The following LTBP1 variants were observed in gnomAD, a reference collection of about 807,000 sequenced individuals.
LTBP1 encodes the protein latent-transforming growth factor beta-binding protein 1.
In LTBP1, 129 loss-of-function variants were observed where a neutral mutation model predicts 207.6. That is an observed-to-expected ratio of 0.62 (90% CI 0.54 to 0.72). The LOEUF (loss-of-function observed/expected upper bound fraction) is 0.72. Among genes scored for constraint, LTBP1 ranks in the 30% least tolerant of loss-of-function variants. The probability of loss-of-function intolerance (pLI) is 0.00; values close to 1 mark genes in which losing one functional copy is unlikely to be tolerated. For missense variants in LTBP1, 2,281 were observed against 2,217.2 expected (o/e 1.03, Z -0.58); for synonymous variants, 963 against 833.7 (o/e 1.16, Z -2.67).
At chr2:33,174,765 G>A (rs913309138) in intron 5 of LTBP1, among the ~76,000 whole-genome samples, 3 of 152,006 alleles carry the variant, frequency 2.0e-5, no homozygotes, top group East Asian at 3.9e-4. Flanking sequence ...TATACTACAA[G>A]GCTACAGTAA....
intron 2 of LTBP1, among the ~76,000 whole-genome samples, chr2:32,993,332 T>A (rs758016552): frequency 6.6e-6 from 1 of 152,158 alleles, no homozygotes; most frequent in Non-Finnish European, 1.5e-5. Flanking sequence ...GGAGACAGCC[T>A]GACAGATGAT....
chr2:33,231,468 C>A (rs545262100), intron 9 of LTBP1, among the ~76,000 whole-genome samples: 15 of 152,300 alleles, frequency 9.8e-5, no homozygotes, highest in African/African-American at 3.4e-4. Context: ...TGAGACTCCA[C>A]AGTCTTGATC....
chr2:33,233,307 T>C (rs1182399319), intron 9 of LTBP1, among the ~76,000 whole-genome samples: 1 of 152,184 alleles, frequency 6.6e-6, no homozygotes, highest in Non-Finnish European at 1.5e-5. Flanking sequence ...CCATCTAGGC[T>C]TTATCTCATT....
chr2:33,274,995 T>G lies in LTBP1; in HGVS notation c.2774T>G (p.Leu925Arg). 1 of 1,614,090 alleles carries G rather than the reference T, an allele frequency of 6.2e-7. No individual in the cohort carries two copies. The highest frequency in any genetic ancestry group is 8.5e-7 in the Non-Finnish European group (1 of 1,179,954). Reference protein sequence around the residue: ...DIDECTQVQHLCSQGRCENTE... With the variant: ...DIDECTQVQHRCSQGRCENTE... ...GATGAGTGTACTCAGGTCCAACACC[T>G]CTGCTCCCAGGGCCGCTGTGAAAAC... Residue 925 changes from leucine (L) to arginine (R), a missense_variant, in exon 17 of 34, where the codon CTC (leucine) becomes CGC (arginine). Physicochemically the swap from Leu to Arg is moderately radical, Grantham distance 102. This residue lies in a region of LTBP1 where 1,671 missense variants were observed against 1,634.8 expected (regional missense o/e 1.02). Coordinates refer to ENST00000404816, the MANE Select transcript of LTBP1 (RefSeq NM_206943.4).
At chr2:33,277,173 A>G (rs2093442382) in intron 18 of LTBP1, among the ~76,000 whole-genome samples, 1 of 152,146 alleles carries the variant, frequency 6.6e-6, no homozygotes, top group Non-Finnish European at 1.5e-5. Flanking sequence ...AGAGCTAATT[A>G]GACATTTTTT....
chr2:33,147,912 C>T (rs1401620752), intron 5 of LTBP1, among the ~76,000 whole-genome samples: 2 of 152,150 alleles, frequency 1.3e-5, no homozygotes, highest in Non-Finnish European at 1.5e-5. Context: ...ACCTTTTTTG[C>T]TCCAGTGGAA....
chr2:33,384,909 A>G (rs2095252620), intron 31 of LTBP1, among the ~76,000 whole-genome samples: 1 of 152,178 alleles, frequency 6.6e-6, no homozygotes, highest in African/African-American at 2.4e-5. Flanking sequence ...ATTTGCCTGT[A>G]CCGAGATCCT....
At chr2:33,256,222 T>C (rs1026621984) in intron 11 of LTBP1, among the ~76,000 whole-genome samples, 9 of 152,202 alleles carry the variant, frequency 5.9e-5, no homozygotes, top group African/African-American at 2.2e-4. Flanking sequence ...GTTCCTTTAC[T>C]TGAAAATAGC....
At chr2:33,069,761 A>G (rs191888576) in intron 3 of LTBP1, among the ~76,000 whole-genome samples, 12 of 152,260 alleles carry the variant, frequency 7.9e-5, no homozygotes, top group African/African-American at 2.2e-4. Context: ...TCATCCACAA[A>G]TGCTTACTGT....
chr2:33,292,573 T>C (rs1266548399), intron 19 of LTBP1, among the ~76,000 whole-genome samples: 2 of 152,218 alleles, frequency 1.3e-5, no homozygotes, highest in Non-Finnish European at 2.9e-5. Context: ...GGTGCTATTA[T>C]TATTATCTAC....
At chr2:33,278,956 A>G (rs1343053583) in intron 18 of LTBP1, among the ~76,000 whole-genome samples, 1 of 152,222 alleles carries the variant, frequency 6.6e-6, no homozygotes, top group South Asian at 2.1e-4. Flanking sequence ...TCACATGTCT[A>G]ATGGTATGCA....
chr2:33,331,189 T>G (rs2094490261), intron 24 of LTBP1, among the ~76,000 whole-genome samples: 1 of 151,610 alleles, frequency 6.6e-6, no homozygotes, highest in Non-Finnish European at 1.5e-5. Context: ...TTATGTGGAT[T>G]TGTTTCCTTT....
intron 26 of LTBP1, among the ~76,000 whole-genome samples, chr2:33,348,348 C>T (rs1401971298): frequency 6.6e-6 from 1 of 152,176 alleles, no homozygotes; most frequent in East Asian, 1.9e-4. Flanking sequence ...TTCACCCACA[C>T]ATATTTCCTC....
chr2:33,219,751 C>A (rs77821313), intron 8 of LTBP1, among the ~76,000 whole-genome samples: 4,763 of 152,178 alleles, frequency 0.031, 99 homozygotes, highest in Middle Eastern at 0.14. Context: ...CATTTACCCC[C>A]TTCTTTGTGT....
At chr2:33,321,321 A>G (rs1399302560) in intron 24 of LTBP1, among the ~76,000 whole-genome samples, 1 of 152,210 alleles carries the variant, frequency 6.6e-6, no homozygotes, top group Admixed American at 6.5e-5. Flanking sequence ...CTCCTTGCTT[A>G]CACATTCATC....
chr2:32,949,052 A>C, intron 2 of LTBP1, 107 bp downstream of exon 2: 1 of 1,090,514 alleles, frequency 9.2e-7, no homozygotes, highest in Non-Finnish European at 1.4e-6. Flanking sequence ...GGGGAAGTTG[A>C]AGTCTGAAAT....
At chr2:32,955,456 G>T (rs974752807) in intron 2 of LTBP1, among the ~76,000 whole-genome samples, 26 of 151,486 alleles carry the variant, frequency 1.7e-4, no homozygotes, top group African/African-American at 4.9e-4. Flanking sequence ...AAACACTTTG[G>T]AACAGTTGGG....
At chr2:33,397,693 T>TTTG (rs2095372187) in intron 33 of LTBP1, among the ~76,000 whole-genome samples, 1 of 144,868 alleles carries the variant, frequency 6.9e-6, no homozygotes, top group South Asian at 2.2e-4. Flanking sequence ...TTTTTTTTTT[T>TTTG]TTGTATTTTT....
chr2:33,070,481 A>G (rs954514955), intron 3 of LTBP1, among the ~76,000 whole-genome samples: 3 of 152,186 alleles, frequency 2.0e-5, no homozygotes, highest in African/African-American at 7.2e-5. Context: ...GAAGTCCTTT[A>G]AGTTTCTTAA....
Sources: allele counts gnomAD v4.1 joint callset (sites outside exome capture counted in the v4.1 genomes callset), GRCh38; gene constraint gnomAD v4.1.1; regional missense constraint gnomAD v4.1.1; transcripts MANE v1.5; gene names NCBI Gene and HGNC (gene_info 2026-07-23, HGNC 2026-07-21).